Variants in TMEM266 observed in about 807,000 individuals in gnomAD.
TMEM266 encodes the protein Hv1 related protein 1.
TMEM266 carries 33 observed loss-of-function variants against 50.5 expected under a neutral mutation model. The ratio of observed to expected loss-of-function variants is 0.65; its 90% CI spans 0.50 to 0.87. The LOEUF is 0.87. Among genes scored for constraint, TMEM266 ranks in the 40% least tolerant of loss-of-function variants. The probability of loss-of-function intolerance (pLI) is 0.00; values close to 1 mark genes in which losing one functional copy is unlikely to be tolerated. For missense variants in TMEM266, 655 were observed against 695.1 expected, an observed-to-expected ratio of 0.94 and a Z score of 0.65; for synonymous variants, 310 against 292.3, an observed-to-expected ratio of 1.06 and a Z score of -0.62.
intron 3 of TMEM266, among the ~76,000 whole-genome samples, chr15:76,152,497 G>A (rs750664636): frequency 6.6e-6 from 1 of 152,168 alleles, no homozygotes; most frequent in South Asian, 2.1e-4. Context: ...GGTGGGTGGT[G>A]AGCTATACCC....
intron 8 of TMEM266, among the ~76,000 whole-genome samples, chr15:76,177,554 T>G (rs1441642563): frequency 6.6e-6 from 1 of 152,256 alleles, no homozygotes; most frequent in Non-Finnish European, 1.5e-5. Flanking sequence ...GGGAACACTA[T>G]GACCTTTTGT....
At chr15:76,152,386 T>TGGC in intron 3 of TMEM266, among the ~76,000 whole-genome samples, 1 of 152,190 alleles carries the variant, frequency 6.6e-6, no homozygotes, top group Non-Finnish European at 1.5e-5. Flanking sequence ...CAGAGCAGCG[T>TGGC]GGCACAGGCC....
intron 1 of TMEM266, among the ~76,000 whole-genome samples, chr15:76,070,938 G>A (rs1358653499): frequency 6.6e-6 from 1 of 152,198 alleles, no homozygotes; most frequent in Non-Finnish European, 1.5e-5. Context: ...AAAGAGGAAA[G>A]TGCTCAGTCA....
intron 8 of TMEM266, among the ~76,000 whole-genome samples, chr15:76,186,657 C>A (rs1488312246): frequency 6.6e-6 from 1 of 152,218 alleles, no homozygotes; most frequent in East Asian, 1.9e-4. Flanking sequence ...TTCGTCCCTA[C>A]CTACTTGTCT....
In TMEM266 at chr15:76,171,145, G is replaced by T; in HGVS notation, c.652+14G>T. The T allele has an allele frequency of 1.2e-6, 2 of 1,611,794 alleles. No homozygotes were observed. Among genetic ancestry groups the T allele is most frequent in the Non-Finnish European group, 1.7e-6 (2 of 1,178,688 alleles). ...GGGTCATTGATGGTGAGTGGCCCGA[G>T]GGGGGTGTGGTCAGTGGGGCTGCTC... On this transcript the variant is annotated intron_variant, in intron 7 of 10. Coordinates refer to ENST00000388942, the MANE Select transcript of TMEM266 (RefSeq NM_152335.3).
At chr15:76,177,363 C>G (rs893175282) in intron 8 of TMEM266, among the ~76,000 whole-genome samples, 3 of 152,202 alleles carry the variant, frequency 2.0e-5, no homozygotes, top group African/African-American at 7.2e-5. Flanking sequence ...AATGCATATT[C>G]ACTGTACCTG....
chr15:76,089,982 C>T (rs1291337342), intron 1 of TMEM266, among the ~76,000 whole-genome samples: 1 of 152,072 alleles, frequency 6.6e-6, no homozygotes, highest in Non-Finnish European at 1.5e-5. Context: ...AAAATAAAAA[C>T]CACGAACATG....
intron 1 of TMEM266, among the ~76,000 whole-genome samples, chr15:76,096,067 C>T (rs1482404059): frequency 6.6e-6 from 1 of 151,998 alleles, no homozygotes; most frequent in African/African-American, 2.4e-5. Flanking sequence ...AACACCAGCT[C>T]CTGGATTCAT....
chr15:76,133,962 G>A (rs1003877351), intron 1 of TMEM266, among the ~76,000 whole-genome samples: 1 of 152,088 alleles, frequency 6.6e-6, no homozygotes, highest in Non-Finnish European at 1.5e-5. Flanking sequence ...AAGTCATTTT[G>A]TCACTCTGGC....
chr15:76,069,947 A>T (rs1211927806), intron 1 of TMEM266, among the ~76,000 whole-genome samples: 2 of 152,212 alleles, frequency 1.3e-5, no homozygotes, highest in African/African-American at 4.8e-5. Context: ...ATTGAATATT[A>T]TACAACCTTT....
intron 1 of TMEM266, among the ~76,000 whole-genome samples, chr15:76,088,662 T>C (rs778063599): frequency 6.6e-6 from 1 of 151,822 alleles, no homozygotes; most frequent in Admixed American, 6.6e-5. Flanking sequence ...CCAGGCGTGG[T>C]GGCAGGCGCC....
intron 9 of TMEM266, among the ~76,000 whole-genome samples, chr15:76,201,741 G>A (rs991878684): frequency 5.3e-5 from 8 of 151,748 alleles, no homozygotes; most frequent in South Asian, 4.1e-4. Flanking sequence ...ATCGAGCCAC[G>A]GGGGGCTATC....
At chr15:76,199,373 A>G (rs1035915497) in intron 9 of TMEM266, among the ~76,000 whole-genome samples, 3 of 152,182 alleles carry the variant, frequency 2.0e-5, no homozygotes, top group Non-Finnish European at 2.9e-5. Flanking sequence ...GAACGATCTA[A>G]TACCTTGATA....
intron 9 of TMEM266, among the ~76,000 whole-genome samples, chr15:76,198,932 G>GGGCTCTCAGACTCACGCCTTA (rs1555453567): frequency 2.6e-5 from 4 of 152,194 alleles, no homozygotes; most frequent in African/African-American, 4.8e-5. Flanking sequence ...GGAGCAGAGG[G>GGGCTCTCAGACTCACGCCTTA]AGTAGGGACA....
Position 76,131,873 on chromosome 15 carries a change from C to T in TMEM266, c.-96-2295C>T, listed in dbSNP as rs1216590497. On this transcript the variant is annotated intron_variant, in intron 1 of 10. Coordinates refer to ENST00000388942, the MANE Select transcript of TMEM266 (RefSeq NM_152335.3). ...TCTGCTTTTAGAGAGCTCTCTGTCTCTGTTAATTCCAGTTGCTCTAAGTTC... is the reference window on the plus strand; with the variant it reads ...TCTGCTTTTAGAGAGCTCTCTGTCTTTGTTAATTCCAGTTGCTCTAAGTTC... Among the ~76,000 whole-genome samples the T allele has an allele frequency of 2.0e-5, 3 of 152,290 alleles. No homozygotes were observed. The East Asian group carries it at 5.8e-4, about 29-fold the overall frequency.
At chr15:76,111,710 C>A (rs2037173094) in intron 1 of TMEM266, among the ~76,000 whole-genome samples, 2 of 152,228 alleles carry the variant, frequency 1.3e-5, no homozygotes, top group South Asian at 4.1e-4. Context: ...GCCCGGCCAA[C>A]ACTTTGGCAG....
chr15:76,102,967 A>G (rs1275980725), intron 1 of TMEM266, among the ~76,000 whole-genome samples: 1 of 151,910 alleles, frequency 6.6e-6, no homozygotes, highest in East Asian at 1.9e-4. Context: ...ACCATCATGC[A>G]CTGGCCAGGA....
chr15:76,182,677 A>G (rs900201648), intron 8 of TMEM266, among the ~76,000 whole-genome samples: 1 of 152,010 alleles, frequency 6.6e-6, no homozygotes, highest in African/African-American at 2.4e-5. Flanking sequence ...AAAAAAAACT[A>G]CTAAATGTAT....
At chr15:76,127,349 C>T (rs2037439437) in intron 1 of TMEM266, among the ~76,000 whole-genome samples, 1 of 143,638 alleles carries the variant, frequency 7.0e-6, no homozygotes, top group Non-Finnish European at 1.5e-5. Context: ...TAATTTAAGA[C>T]AGTGCCTTGG....
Sources: allele counts gnomAD v4.1 joint callset (sites outside exome capture counted in the v4.1 genomes callset), GRCh38; gene constraint gnomAD v4.1.1; transcripts MANE v1.5; gene names NCBI Gene and HGNC (gene_info 2026-07-23, HGNC 2026-07-21).